The following PPM1K variants were observed in gnomAD, a reference collection of about 807,000 sequenced individuals.
The protein encoded by PPM1K is protein phosphatase Mn(2+)-dependent 1K.
PPM1K carries 19 observed loss-of-function variants against 32.6 expected under a neutral mutation model. The observed-to-expected ratio is 0.58, with a 90% confidence interval of 0.41 to 0.86. The LOEUF (loss-of-function observed/expected upper bound fraction) is 0.86, where lower values mean the gene tolerates loss of function less well. Ranked by LOEUF, PPM1K falls within the 40% of genes least tolerant of loss-of-function variation. The pLI, the probability that PPM1K is intolerant of heterozygous loss-of-function variation, is 0.00. For missense variants in PPM1K, 362 were observed against 461.2 expected (o/e 0.78, Z 1.97); for synonymous variants, 159 against 165.3 (o/e 0.96, Z 0.29).
At chr4:88,270,490 G>A (rs1346188312) in intron 3 of PPM1K, among the ~76,000 whole-genome samples, 5 of 151,806 alleles carry the variant, frequency 3.3e-5, no homozygotes, top group South Asian at 2.1e-4. Context: ...ATGTTAACTC[G>A]TAACTTTAAA....
At chr4:88,275,740 A>C (rs1419710190) in intron 3 of PPM1K, 1 of 985,352 alleles carries the variant, frequency 1.0e-6, no homozygotes, top group African/African-American at 1.7e-5. Context: ...CTATGAAATA[A>C]GAGCATACCA....
chr4:88,265,159 T>C (rs372916685), intron 5 of PPM1K, 24 bp from the exon 6 acceptor site: 34 of 1,613,780 alleles, frequency 2.1e-5, no homozygotes, highest in Non-Finnish European at 2.7e-5. Flanking sequence ...CAAATGCCTA[T>C]GATTATAAGC....
chr4:88,264,667 A>G (rs141004523), intron 6 of PPM1K, among the ~76,000 whole-genome samples: 1 of 152,378 alleles, frequency 6.6e-6, no homozygotes, highest in East Asian at 1.9e-4. Context: ...TGATGATTAC[A>G]ATATATGTAA....
chr4:88,277,972 T>G (rs1275743238), intron 2 of PPM1K, 172 bp downstream of exon 2: 3 of 624,450 alleles, frequency 4.8e-6, no homozygotes, highest in Non-Finnish European at 8.3e-6. Context: ...TTTCTGAAAT[T>G]GTGATAACCA....
rs997614638 is a variant in PPM1K at position 88,259,991 on chromosome 4, TAAAGTA to T, written c.*2598_*2603del. 1.8e-4 allele frequency: 27 copies of T among 152,324 alleles called. No homozygotes were observed. Among genetic ancestry groups the T allele is most frequent in the African/African-American group, 6.0e-4 (25 of 41,576 alleles). 9.4% of individuals were successfully genotyped at this position (152,324 alleles called of 1,614,324 possible). The stretch of plus-strand genomic sequence containing the variant: ...CAACATCACTCCTCATCTTAGTTTT[TAAAGTA>T]AAAGATAGGAATAGTAATGTAAAGC... On this transcript the variant is annotated 3_prime_UTR_variant, in exon 7 of 7. Coordinates refer to ENST00000608933, the MANE Select transcript of PPM1K (RefSeq NM_152542.5).
Position 88,262,553 on chromosome 4 carries a change from G to C in PPM1K, c.*42C>G. The C allele has an allele frequency of 1.9e-6, 3 of 1,606,246 alleles. No individual in the cohort carries two copies. Among genetic ancestry groups the C allele is most frequent in the East Asian group, 2.2e-5 (1 of 44,824 alleles). ...TCTTATCAGTTTCTTGACATGCTCAGTGAAAAACTGTTGCACAGAAACTCT... is the reference window on the plus strand; with the variant it reads ...TCTTATCAGTTTCTTGACATGCTCACTGAAAAACTGTTGCACAGAAACTCT... On this transcript the variant is annotated 3_prime_UTR_variant, in exon 7 of 7. Transcript: ENST00000608933.
chr4:88,269,491 CA>C (rs554568376), intron 3 of PPM1K, among the ~76,000 whole-genome samples: 1 of 151,996 alleles, frequency 6.6e-6, no homozygotes, highest in Non-Finnish European at 1.5e-5. Flanking sequence ...AAATGTTCAC[CA>C]AAAAAATCCT....
intron 5 of PPM1K, among the ~76,000 whole-genome samples, chr4:88,267,636 CCTT>C (rs1214311841): frequency 1.3e-5 from 2 of 152,226 alleles, no homozygotes; most frequent in African/African-American, 4.8e-5. Flanking sequence ...GGACATCAGT[CCTT>C]CTTTACTGGA....
Position 88,258,005 on chromosome 4 carries a change from A to C in PPM1K, c.*4590T>G, listed in dbSNP as rs1730970785. ...GGGAGAGTCAATTGTTCTCATCCCA[A>C]CTGCCAAAAGCAAAAGGCAGGCCAT... On this transcript the variant is annotated 3_prime_UTR_variant, in exon 7 of 7. Coordinates refer to ENST00000608933, the MANE Select transcript of PPM1K (RefSeq NM_152542.5). 6.6e-6 allele frequency: 1 copy of C among 152,238 alleles called. No individual in the cohort carries two copies. The highest frequency in any genetic ancestry group is 1.5e-5 in the Non-Finnish European group (1 of 68,036). 9.4% of individuals were successfully genotyped at this position (152,238 alleles called of 1,614,324 possible).
At chr4:88,282,385 A>C (rs1732049393) in intron 1 of PPM1K, among the ~76,000 whole-genome samples, 1 of 152,232 alleles carries the variant, frequency 6.6e-6, no homozygotes, top group Non-Finnish European at 1.5e-5. Context: ...TCTAGAAAAA[A>C]TATTTTAAGA....
rs1454632000 is a variant in PPM1K, at chr4:88,265,007, A to C, written c.981T>G (p.Thr327=). 29 of 1,613,962 alleles carry C rather than the reference A, an allele frequency of 1.8e-5. No individual in the cohort carries two copies. The highest frequency in any genetic ancestry group is 2.4e-5 in the Non-Finnish European group (28 of 1,179,982). Residue 327 remains threonine, a synonymous_variant, in exon 6 of 7, where the codon ACT becomes ACG. Coordinates refer to ENST00000608933, the MANE Select transcript of PPM1K (RefSeq NM_152542.5). ...HDPNEAAHAV[T]EQAIQYGTED... ...GGCAGAAGCTCTGGGTCACCTGTTC[A>C]GTCACCGCATGGGCTGCTTCGTTGG... is the stretch of plus-strand genomic sequence containing the variant.
In PPM1K at chr4:88,268,407, G is replaced by C. The variant is rs1234810011; in HGVS notation, c.708-73C>G. The C allele has an allele frequency of 3.2e-6, 5 of 1,541,010 alleles. No individual in the cohort carries two copies. The African/African-American group carries it at 5.5e-5, about 17-fold the overall frequency. ...GGAGGCCAAGGAGGGCAGATCACGAGGTCAGGAGATCGAGACCATCCTGGC... is the reference window on the plus strand; with the variant it reads ...GGAGGCCAAGGAGGGCAGATCACGACGTCAGGAGATCGAGACCATCCTGGC... On this transcript the variant is annotated intron_variant, in intron 4 of 6. Coordinates refer to ENST00000608933, the MANE Select transcript of PPM1K (RefSeq NM_152542.5).
intron 3 of PPM1K, chr4:88,276,040 A>C: frequency 1.0e-6 from 1 of 985,456 alleles, no homozygotes. Context: ...TCTCAAAAAA[A>C]GCTCAGGAAA....
At chr4:88,281,501 A>C (rs1479654147) in intron 1 of PPM1K, among the ~76,000 whole-genome samples, 2 of 152,214 alleles carry the variant, frequency 1.3e-5, no homozygotes, top group East Asian at 3.8e-4. Context: ...GCGTATTTTA[A>C]AATCAATCAT....
chr4:88,264,975 C>T, intron 6 of PPM1K, 26 bp downstream of exon 6: 1 of 1,612,506 alleles, frequency 6.2e-7, no homozygotes, highest in Non-Finnish European at 8.5e-7. Context: ...CTCCTTGGGA[C>T]TTTTCAGGCA....
chr4:88,273,238 G>C (rs796768850), intron 3 of PPM1K, among the ~76,000 whole-genome samples: 10 of 152,194 alleles, frequency 6.6e-5, no homozygotes, highest in African/African-American at 2.4e-4. Context: ...GAGGGTAAAG[G>C]AGTCCGTGGC....
chr4:88,272,073 A>G (rs548080053), intron 3 of PPM1K, among the ~76,000 whole-genome samples: 3 of 152,376 alleles, frequency 2.0e-5, no homozygotes, highest in Admixed American at 1.3e-4. Context: ...TCAAAGTATA[A>G]TGACCCCTAG....
intron 3 of PPM1K, among the ~76,000 whole-genome samples, chr4:88,273,061 T>C (rs192463633): frequency 6.6e-6 from 1 of 152,348 alleles, no homozygotes; most frequent in Non-Finnish European, 1.5e-5. Flanking sequence ...GCAATGCCAT[T>C]CAACAGTAAA....
At chr4:88,270,228 A>G (rs1348210044) in intron 3 of PPM1K, among the ~76,000 whole-genome samples, 1 of 152,222 alleles carries the variant, frequency 6.6e-6, no homozygotes, top group Non-Finnish European at 1.5e-5. Flanking sequence ...AGATTTTTCC[A>G]ATCAGTATAT....
Sources: allele counts gnomAD v4.1 joint callset (sites outside exome capture counted in the v4.1 genomes callset), GRCh38; gene constraint gnomAD v4.1.1; transcripts MANE v1.5; gene names NCBI Gene and HGNC (gene_info 2026-07-23, HGNC 2026-07-21).